The following MCF2 variants were observed in gnomAD, a reference collection of about 807,000 sequenced individuals.
MCF2 encodes the protein proto-oncogene DBL.
In MCF2, 44 loss-of-function variants were observed where a neutral mutation model predicts 82.5. The observed-to-expected ratio is 0.53, with a 90% CI of 0.42 to 0.69. The LOEUF (loss-of-function observed/expected upper bound fraction) is 0.69. Ranked by LOEUF, MCF2 falls within the 30% of genes least tolerant of loss-of-function variation. The pLI, the probability that MCF2 is intolerant of heterozygous loss-of-function variation, is 0.00. For synonymous variants in MCF2, 217 were observed against 224.9 expected (o/e 0.96, Z 0.32); for missense variants, 623 against 663.1 (o/e 0.94, Z 0.66).
upstream of MCF2, chrX:139,645,720 C>T: frequency 5.1e-6 from 3 of 593,538 alleles, no homozygotes; most frequent in Admixed American, 8.7e-5. Flanking sequence ...TTATATATGC[C>T]TTCATTCTAT....
At chrX:139,611,356 T>C (rs1039307699) in intron 10 of MCF2, among the ~76,000 whole-genome samples, 16 of 112,189 alleles carry the variant, frequency 1.4e-4, no homozygotes, top group Non-Finnish European at 5.6e-5. Flanking sequence ...TGTAAATATA[T>C]ATTAAACAGT....
In MCF2 at chrX:139,604,815, G is replaced by C. The variant is rs762014390; in HGVS notation, c.1673+54C>G. On this transcript the variant is annotated intron_variant, in intron 14 of 24. Transcript: ENST00000370576. ...GTGAAATATAATAAACTGGTAAAGAGAGCACTTTAAATAGTTTTATAAAAA... is the reference window on the plus strand; with the variant it reads ...GTGAAATATAATAAACTGGTAAAGACAGCACTTTAAATAGTTTTATAAAAA... 157 of 1,063,100 alleles carry C rather than the reference G, an allele frequency of 1.5e-4. 1 individual carries two copies. The African/African-American group carries it at 1.7e-3, about 12-fold the overall frequency. 87.6% of individuals were successfully genotyped at this position (1,063,100 alleles called of 1,213,427 possible).
chrX:139,671,451 A>T (rs1569394971), intron 1 of MCF2, among the ~76,000 whole-genome samples: 1 of 111,660 alleles, frequency 9.0e-6, no homozygotes, highest in Non-Finnish European at 1.9e-5. Context: ...TTTTAGGTCT[A>T]ACATTTAAGT....
chrX:139,649,107 C>A (rs555875170), intron 2 of MCF2, among the ~76,000 whole-genome samples: 1 of 112,523 alleles, frequency 8.9e-6, no homozygotes. Flanking sequence ...ACTTTCTTCT[C>A]TAGTGCACAT....
At chrX:139,682,197 T>TC (rs1205630761) in intron 1 of MCF2, among the ~76,000 whole-genome samples, 1 of 110,886 alleles carries the variant, frequency 9.0e-6, no homozygotes, top group Non-Finnish European at 1.9e-5. Context: ...TGAGAAGACC[T>TC]CCCCCCACAG....
chrX:139,593,952 T>C (rs1929786206), intron 19 of MCF2, among the ~76,000 whole-genome samples: 1 of 110,641 alleles, frequency 9.0e-6, no homozygotes, highest in African/African-American at 3.3e-5. Flanking sequence ...GAGAGCCAAA[T>C]CATGAATGAA....
intron 1 of MCF2, among the ~76,000 whole-genome samples, chrX:139,655,937 C>T (rs1934182532): frequency 8.9e-6 from 1 of 112,518 alleles, no homozygotes; most frequent in Non-Finnish European, 1.9e-5. Flanking sequence ...CCTTGTCTTG[C>T]TCCAGTTCTT....
intron 1 of MCF2, among the ~76,000 whole-genome samples, chrX:139,637,740 T>C (rs1239878970): frequency 1.8e-5 from 2 of 111,909 alleles, no homozygotes; most frequent in East Asian, 5.6e-4. Flanking sequence ...TCCTCAAAGA[T>C]GTCTACATCC....
At chrX:139,605,825 C>A in intron 12 of MCF2, 46 bp from the exon 17 acceptor site, 1 of 939,017 alleles carries the variant, frequency 1.1e-6, no homozygotes, top group Non-Finnish European at 1.5e-6. Flanking sequence ...TTACTGAGAT[C>A]TATATTGCAA....
At chrX:139,585,207 T>C (rs1928843856) in intron 23 of MCF2, 29 bp from the exon 28 acceptor site, 6 of 905,981 alleles carry the variant, frequency 6.6e-6, no homozygotes, top group Non-Finnish European at 7.9e-6. Flanking sequence ...ATGTGGCAGT[T>C]ACTTCATGGT....
At chrX:139,665,405 G>C (rs1235115024) in intron 1 of MCF2, among the ~76,000 whole-genome samples, 2 of 111,747 alleles carry the variant, frequency 1.8e-5, no homozygotes, top group Non-Finnish European at 3.8e-5. Flanking sequence ...TTGTGAGTGG[G>C]CATCAGCTGA....
chrX:139,633,596 G>A (rs1933033374), intron 1 of MCF2, among the ~76,000 whole-genome samples: 1 of 110,945 alleles, frequency 9.0e-6, no homozygotes, highest in African/African-American at 3.3e-5. Context: ...ATGACACTGG[G>A]GGACAATGGG....
intron 5 of MCF2, 70 bp downstream of exon 8, chrX:139,626,553 C>T (rs1479997513): frequency 9.8e-7 from 1 of 1,025,305 alleles, no homozygotes; most frequent in Admixed American, 2.5e-5. Flanking sequence ...TAACATATTG[C>T]AGCAAAAATG....
upstream of MCF2, among the ~76,000 whole-genome samples, chrX:139,644,840 G>A (rs1048842670): frequency 1.8e-5 from 2 of 111,912 alleles, no homozygotes; most frequent in Non-Finnish European, 3.8e-5. Flanking sequence ...TGGCCACATG[G>A]CACTTCCACA....
chrX:139,654,678 T>C (rs1934139095), intron 1 of MCF2, among the ~76,000 whole-genome samples: 1 of 111,880 alleles, frequency 8.9e-6, no homozygotes, highest in South Asian at 3.7e-4. Context: ...TTTGCTGTGG[T>C]TGCCTATGCT....
intron 6 of MCF2, among the ~76,000 whole-genome samples, chrX:139,619,995 ATTTGTGTGTGTGTGTGTG>A: frequency 1.3e-5 from 1 of 79,671 alleles, no homozygotes; most frequent in African/African-American, 4.6e-5. Context: ...GTATATATAC[ATTTGTGTGTGTGTGTGTG>A]TGTGTGTGTG....
intron 1 of MCF2, chrX:139,691,808 TG>T: frequency 1.6e-6 from 1 of 616,322 alleles, no homozygotes; most frequent in Non-Finnish European, 2.6e-6. Flanking sequence ...GGGAGGGGTG[TG>T]GACTGGAAAA....
chrX:139,681,301 C>A (rs1214422794), intron 1 of MCF2, among the ~76,000 whole-genome samples: 1 of 111,768 alleles, frequency 8.9e-6, no homozygotes, highest in Non-Finnish European at 1.9e-5. Context: ...TGGCTGATAG[C>A]AGCGGCTGAT....
intron 13 of MCF2, among the ~76,000 whole-genome samples, chrX:139,605,346 GTTTTTTCAGACCAAA>G (rs1930906965): frequency 1.8e-5 from 2 of 110,848 alleles, no homozygotes; most frequent in African/African-American, 6.5e-5. Flanking sequence ...ACGTGCTTAG[GTTTTTTCAGACCAAA>G]TTAATATCAT....
Sources: gnomAD v4.1 joint callset for allele counts (sites outside exome capture counted in the v4.1 genomes callset) on GRCh38, gnomAD v4.1.1 for gene constraint, MANE v1.5 for transcripts, NCBI Gene and HGNC (gene_info 2026-07-23, HGNC 2026-07-21) for gene names.